A2ML1: variants seen among roughly 807,000 people sequenced by gnomAD.
A2ML1 encodes alpha-2-macroglobulin like 1, also known as alpha-2-macroglobulin-like protein 1.
Under a neutral mutation model 181.9 loss-of-function variants are expected in A2ML1, and 161 were observed. The ratio of observed to expected loss-of-function variants is 0.89; its 90% CI spans 0.78 to 1.01. The LOEUF (loss-of-function observed/expected upper bound fraction) is 1.01. Among genes scored for constraint, A2ML1 ranks in the 50% least tolerant of loss-of-function variants. A2ML1 has a pLI of 0.00. For synonymous variants in A2ML1, 663 were observed against 666.8 expected (o/e 0.99, Z 0.09); for missense variants, 1,670 against 1,768.1 (o/e 0.94, Z 1.00).
At chr12:8,872,187 G>T (rs954611030) in intron 33 of A2ML1, among the ~76,000 whole-genome samples, 8 of 128,550 alleles carry the variant, frequency 6.2e-5, no homozygotes, top group East Asian at 5.3e-4. Context: ...TCAGAAAAAA[G>T]AAAAAAAAAA....
At chr12:8,832,563 G>A (rs1022752641) in intron 4 of A2ML1, among the ~76,000 whole-genome samples, 15 of 152,128 alleles carry the variant, frequency 9.9e-5, no homozygotes, top group Non-Finnish European at 1.6e-4. Flanking sequence ...AGATGGAGTC[G>A]GTTAGGTCTG....
intron 7 of A2ML1, among the ~76,000 whole-genome samples, chr12:8,884,966 T>C (rs924245486): frequency 3.9e-5 from 6 of 152,374 alleles, no homozygotes; most frequent in Non-Finnish European, 4.4e-5. Flanking sequence ...CTATTGTGAA[T>C]AGTGCTGCAA....
chr12:8,886,890 TC>T (rs1944926283), exon 8 of A2ML1: 1 of 152,230 alleles, frequency 6.6e-6, no homozygotes, highest in Non-Finnish European at 1.5e-5. Context: ...ATGCCTGTAA[TC>T]CCAGCACTTT....
chr12:8,884,240 T>A (rs764622779), intron 7 of A2ML1, among the ~76,000 whole-genome samples: 3 of 139,006 alleles, frequency 2.2e-5, no homozygotes, highest in Admixed American at 7.2e-5. Context: ...TGTTTTTTTT[T>A]GTTTTGTTTT....
In A2ML1 at chr12:8,868,330, G is replaced by T; in HGVS notation, c.4034G>T (p.Arg1345Leu). Reference protein sequence around the residue: ...KARCEQPTSPRSLTLTIHTSY... With the variant: ...KARCEQPTSPLSLTLTIHTSY... ...AGATGTGAGCAACCGACTTCACCTC[G>T]ATCCTTGACTCTCACTATTCACACC... The change falls in exon 31 of 36, where the codon CGA becomes CTA. Residue 1345 changes from arginine (R) to leucine (L), a missense_variant. Coordinates refer to ENST00000299698, the MANE Select transcript of A2ML1 (RefSeq NM_144670.6). The T allele has an allele frequency of 6.2e-7, 1 of 1,613,568 alleles. No individual in the cohort carries two copies. The highest frequency in any genetic ancestry group is 8.5e-7 in the Non-Finnish European group (1 of 1,179,904).
intron 7 of A2ML1, among the ~76,000 whole-genome samples, chr12:8,882,945 A>G (rs1446057942): frequency 6.6e-6 from 1 of 152,152 alleles, no homozygotes; most frequent in Non-Finnish European, 1.5e-5. Flanking sequence ...CGCCAGCTCC[A>G]TCTTCGGCCT....
intron 14 of A2ML1, 81 bp from the exon 15 acceptor site, chr12:8,847,468 T>C: frequency 6.8e-7 from 1 of 1,473,446 alleles, no homozygotes; most frequent in African/African-American, 1.4e-5. Flanking sequence ...CTGGGGCATA[T>C]TTGCTGATGA....
At chr12:8,833,342 T>C (rs1215549677) in intron 4 of A2ML1, among the ~76,000 whole-genome samples, 1 of 152,194 alleles carries the variant, frequency 6.6e-6, no homozygotes, top group Non-Finnish European at 1.5e-5. Context: ...ACTGATGTCT[T>C]TCCTGATTCT....
At chr12:8,835,917 G>T (rs1943256357) in intron 6 of A2ML1, among the ~76,000 whole-genome samples, 1 of 151,162 alleles carries the variant, frequency 6.6e-6, no homozygotes. Flanking sequence ...GGAGGCTGAG[G>T]CAGGAGAATG....
At position 8,867,958 on chromosome 12, in the gene A2ML1, ACAGT is replaced by A. The variant is rs1224631951; in HGVS notation, c.3839_3842del (p.Ser1280LeufsTer34). On this transcript the variant is annotated frameshift_variant, in exon 30 of 36. Transcript: ENST00000299698. LOFTEE classifies it high-confidence loss of function. ...AGAATTTCCAGCGCACATTCAACAT[ACAGT>A]CAGTTAACAGATTGGTATTTCAGCA... 2.5e-6 allele frequency: 4 copies of A among 1,614,140 alleles called. No individual in the cohort carries two copies. Among genetic ancestry groups the A allele is most frequent in the Non-Finnish European group, 1.7e-6 (2 of 1,180,054 alleles).
Position 8,868,296 on chromosome 12 carries a change from G to A in A2ML1, c.4000G>A (p.Gly1334Arg), listed in dbSNP as rs1052149878. ...MKTFSLSVEIGKARCEQPTSP... is the reference protein window; with the variant it reads ...MKTFSLSVEIRKARCEQPTSP... ...GACCTTTAGTCTTAGTGTGGAAATAGGAAAAGCTAGATGTGAGCAACCGAC... is the reference window on the plus strand; with the variant it reads ...GACCTTTAGTCTTAGTGTGGAAATAAGAAAAGCTAGATGTGAGCAACCGAC... Residue 1334 changes from glycine to arginine, a missense_variant, in exon 31 of 36, where the codon GGA becomes AGA. Coordinates refer to ENST00000299698, the MANE Select transcript of A2ML1 (RefSeq NM_144670.6). The A allele has an allele frequency of 1.2e-6, 2 of 1,613,978 alleles. No homozygotes were observed. The highest frequency in any genetic ancestry group is 4.5e-5 in the East Asian group (2 of 44,880).
At position 8,852,450 on chromosome 12, in the gene A2ML1, TA is replaced by T; in HGVS notation, c.2590+115del. ...CTTTGCTTCCTCCTCCATTTTCCAC[TA>T]TTTTTCTCCCTCCTAAGGCTGTTAT... On this transcript the variant is annotated intron_variant, in intron 20 of 35. Coordinates refer to ENST00000299698, the MANE Select transcript of A2ML1 (RefSeq NM_144670.6). The surrounding 1 kb of genome is among the most constrained non-coding windows in gnomAD (Gnocchi z 4.2). The T allele has an allele frequency of 6.8e-7, 1 of 1,474,740 alleles. No individual in the cohort carries two copies. The highest frequency in any genetic ancestry group is 1.9e-5 in the Admixed American group (1 of 52,606). 91.4% of individuals were successfully genotyped at this position (1,474,740 alleles called of 1,614,324 possible).
intron 10 of A2ML1, among the ~76,000 whole-genome samples, chr12:8,841,021 A>AGGAAGGACGGACGGAC (rs1555109423): frequency 7.0e-4 from 86 of 122,958 alleles, no homozygotes; most frequent in South Asian, 2.4e-3. Flanking sequence ...GACGGAAGGA[A>AGGAAGGACGGACGGAC]GGAAGGAAGG....
downstream of A2ML1, among the ~76,000 whole-genome samples, chr12:8,878,022 G>T (rs780639361): frequency 6.6e-6 from 1 of 152,244 alleles, no homozygotes; most frequent in South Asian, 2.1e-4. The surrounding 1 kb of genome is among the most constrained non-coding windows in gnomAD (Gnocchi z 4.4). Flanking sequence ...AATGCAATCG[G>T]CCCAGTGCGG....
At chr12:8,868,680 A>G (rs1406200715) in intron 32 of A2ML1, 53 bp downstream of exon 32, 3 of 1,527,820 alleles carry the variant, frequency 2.0e-6, no homozygotes, top group Non-Finnish European at 2.7e-6. Flanking sequence ...ACCTAACGTT[A>G]TAATTTAAAA....
chr12:8,833,455 T>C (rs887995052), intron 4 of A2ML1, among the ~76,000 whole-genome samples: 12 of 152,144 alleles, frequency 7.9e-5, no homozygotes, highest in Non-Finnish European at 1.8e-4. Context: ...TGGAGTGCAG[T>C]GGCATGATCC....
chr12:8,875,144 T>A, intron 35 of A2ML1, 132 bp downstream of exon 35: 3 of 911,880 alleles, frequency 3.3e-6, no homozygotes, highest in Non-Finnish European at 5.1e-6. Context: ...TGGAGGGCAG[T>A]GGCGGAGGTT....
intron 6 of A2ML1, 137 bp from the exon 7 acceptor site, chr12:8,836,118 G>C (rs1332969784): frequency 1.5e-6 from 1 of 670,552 alleles, no homozygotes; most frequent in Non-Finnish European, 2.6e-6. Flanking sequence ...AATTACTTCA[G>C]GAACATGCTA....
At chr12:8,847,499 T>G (rs775414097) in intron 14 of A2ML1, 50 bp from the exon 15 acceptor site, 4 of 1,540,172 alleles carry the variant, frequency 2.6e-6, no homozygotes, top group Non-Finnish European at 3.5e-6. Context: ...GTTGTTTCCC[T>G]TCCTTTCCAG....
Sources: gnomAD v4.1 joint callset for allele counts (sites outside exome capture counted in the v4.1 genomes callset) on GRCh38, gnomAD v4.1.1 for gene constraint, Gnocchi (gnomAD v3.1) non-coding constraint, MANE v1.5 for transcripts, NCBI Gene and HGNC (gene_info 2026-07-23, HGNC 2026-07-21) for gene names.